IL1RAPL2: variants seen among roughly 807,000 people sequenced by gnomAD.
IL1RAPL2 encodes the protein interleukin 1 receptor accessory protein like 2.
IL1RAPL2 carries 3 observed loss-of-function variants against 44.1 expected under a neutral mutation model. The ratio of observed to expected loss-of-function variants is 0.07; its 90% CI spans 0.03 to 0.18. IL1RAPL2 has a LOEUF of 0.18. Among genes scored for constraint, IL1RAPL2 ranks in the 10% least tolerant of loss-of-function variants. IL1RAPL2 has a pLI of 1.00. For missense variants in IL1RAPL2, 391 were observed against 496.4 expected (o/e 0.79, Z 2.02); for synonymous variants, 181 against 178.8 (o/e 1.01, Z -0.10).
At chrX:105,450,238 C>T (rs1455209817) in intron 5 of IL1RAPL2, among the ~76,000 whole-genome samples, 1 of 111,501 alleles carries the variant, frequency 9.0e-6, no homozygotes, top group African/African-American at 3.3e-5. Flanking sequence ...CACTCGCCCT[C>T]TGGGAGATGG....
At chrX:105,415,567 C>T (rs1212668470) in intron 5 of IL1RAPL2, among the ~76,000 whole-genome samples, 2 of 111,383 alleles carry the variant, frequency 1.8e-5, no homozygotes, top group South Asian at 3.7e-4. Flanking sequence ...TTGCACTGTA[C>T]TTTCTTTATA....
intron 6 of IL1RAPL2, among the ~76,000 whole-genome samples, chrX:105,599,464 T>A (rs2037234985): frequency 9.0e-6 from 1 of 111,520 alleles, no homozygotes; most frequent in African/African-American, 3.3e-5. Context: ...ACTAACTTCC[T>A]CACCTGTGAA....
At chrX:105,205,922 G>A (rs1556151860) in intron 3 of IL1RAPL2, among the ~76,000 whole-genome samples, 1 of 110,586 alleles carries the variant, frequency 9.0e-6, no homozygotes, top group East Asian at 2.8e-4. Flanking sequence ...TATTAGTTGA[G>A]GAGAGATGTG....
intron 5 of IL1RAPL2, among the ~76,000 whole-genome samples, chrX:105,295,343 G>A (rs2034646292): frequency 9.0e-6 from 1 of 111,577 alleles, no homozygotes; most frequent in African/African-American, 3.3e-5. Flanking sequence ...AGGTAGGTGA[G>A]TATCTTTTTA....
rs191743612 is a variant in IL1RAPL2, at chrX:105,188,877, A to T, written c.83-6598A>T. Among the ~76,000 whole-genome samples, 566 of 111,730 alleles carry T rather than the reference A, an allele frequency of 5.1e-3. 6 individuals are homozygous for T. Among genetic ancestry groups the T allele is most frequent in the African/African-American group, 0.017 (531 of 30,755 alleles). ...TTTTCCACTGACAGAACTTTATTTT[A>T]AAAAAAATGACAAAAGCTCTGTCTG... On this transcript the variant is annotated intron_variant, in intron 2 of 10. Transcript: ENST00000372582.
chrX:105,477,198 A>G (rs1191453225), intron 5 of IL1RAPL2, among the ~76,000 whole-genome samples: 1 of 111,753 alleles, frequency 8.9e-6, no homozygotes, highest in African/African-American at 3.2e-5. Context: ...TATTGTAACC[A>G]AGGCTGGTCC....
chrX:105,134,861 A>G (rs962035434), intron 2 of IL1RAPL2, among the ~76,000 whole-genome samples: 3 of 110,174 alleles, frequency 2.7e-5, no homozygotes, highest in African/African-American at 6.6e-5. Flanking sequence ...CCTTCATTCT[A>G]TAACTTAATC....
At chrX:105,009,588 A>G (rs2031011171) in intron 2 of IL1RAPL2, among the ~76,000 whole-genome samples, 2 of 61,592 alleles carry the variant, frequency 3.2e-5, no homozygotes, top group Non-Finnish European at 5.6e-5. Context: ...ATCACACACC[A>G]GGGCCTGTTT....
chrX:105,004,164 T>C (rs1189594382), intron 2 of IL1RAPL2, among the ~76,000 whole-genome samples: 1 of 110,240 alleles, frequency 9.1e-6, no homozygotes, highest in African/African-American at 3.3e-5. Context: ...CGATATCCTG[T>C]TTTCAATACA....
intron 5 of IL1RAPL2, among the ~76,000 whole-genome samples, chrX:105,436,728 G>C (rs1431525194): frequency 4.5e-5 from 5 of 110,509 alleles, no homozygotes; most frequent in Middle Eastern, 4.7e-3. Context: ...GAGTTGGTAG[G>C]GATAAAGAGT....
At chrX:105,266,678 G>T (rs1270980120) in intron 4 of IL1RAPL2, among the ~76,000 whole-genome samples, 1 of 111,223 alleles carries the variant, frequency 9.0e-6, no homozygotes. Context: ...CCCAAAACTT[G>T]TTCTGTGGTT....
chrX:104,973,276 A>G (rs975199585), intron 2 of IL1RAPL2, among the ~76,000 whole-genome samples: 4 of 112,132 alleles, frequency 3.6e-5, no homozygotes, highest in Non-Finnish European at 7.5e-5. Flanking sequence ...CTTACAGTCA[A>G]AAGACTTATA....
At chrX:105,093,800 C>T (rs939333691) in intron 2 of IL1RAPL2, among the ~76,000 whole-genome samples, 3 of 111,862 alleles carry the variant, frequency 2.7e-5, no homozygotes, top group Non-Finnish European at 5.6e-5. Flanking sequence ...AGTTTAAATT[C>T]CAACTCCACC....
chrX:105,749,485 G>GA (rs1288053796), intron 9 of IL1RAPL2, among the ~76,000 whole-genome samples: 2 of 111,494 alleles, frequency 1.8e-5, no homozygotes, highest in Admixed American at 9.6e-5. Context: ...ATTTTTTTCA[G>GA]AAAATGCAAA....
chrX:105,740,465 G>A (rs1257122383), intron 7 of IL1RAPL2, 81 bp from the exon 8 acceptor site: 3 of 1,001,603 alleles, frequency 3.0e-6, no homozygotes, highest in Non-Finnish European at 4.2e-6. Flanking sequence ...TGTGTGAGCT[G>A]TGTGACCATC....
At chrX:104,806,277 G>A (rs1195434136) in intron 2 of IL1RAPL2, among the ~76,000 whole-genome samples, 1 of 112,350 alleles carries the variant, frequency 8.9e-6, no homozygotes, top group African/African-American at 3.2e-5. Flanking sequence ...TTTCTCTGAA[G>A]CAGGTGCCCT....
At chrX:104,889,291 C>A (rs1923348525) in intron 2 of IL1RAPL2, among the ~76,000 whole-genome samples, 3 of 111,508 alleles carry the variant, frequency 2.7e-5, no homozygotes, top group South Asian at 3.8e-4. Flanking sequence ...TCAAAAGGTT[C>A]CTAGTCGATA....
At chrX:105,151,972 A>T (rs1392923626) in intron 2 of IL1RAPL2, among the ~76,000 whole-genome samples, 1 of 110,954 alleles carries the variant, frequency 9.0e-6, no homozygotes, top group African/African-American at 3.3e-5. Flanking sequence ...CATAAGAATG[A>T]TACAATGGAC....
intron 6 of IL1RAPL2, among the ~76,000 whole-genome samples, chrX:105,660,804 T>C (rs961920902): frequency 5.5e-5 from 6 of 109,984 alleles, no homozygotes; most frequent in Admixed American, 9.7e-5. Context: ...AAGCAATAAA[T>C]TAAAACACAT....
Sources: allele counts gnomAD v4.1 joint callset (sites outside exome capture counted in the v4.1 genomes callset), GRCh38; gene constraint gnomAD v4.1.1; transcripts MANE v1.5; gene names NCBI Gene and HGNC (gene_info 2026-07-23, HGNC 2026-07-21).